The following PPP2R2B variants were observed in gnomAD, a reference collection of about 807,000 sequenced individuals.
PPP2R2B encodes the protein protein phosphatase 2 regulatory subunit Bbeta.
A neutral mutation model predicts 46.0 loss-of-function variants in PPP2R2B; 5 were observed. That is an observed-to-expected ratio of 0.11 (90% CI 0.06 to 0.23). The LOEUF (loss-of-function observed/expected upper bound fraction) is 0.23. Among genes scored for constraint, PPP2R2B ranks in the 10% least tolerant of loss-of-function variants. The pLI is 1.00. For missense variants in PPP2R2B, 367 were observed against 575.0 expected, an observed-to-expected ratio of 0.64 and a Z score of 3.70; for synonymous variants, 215 against 206.7, an observed-to-expected ratio of 1.04 and a Z score of -0.34.
chr5:146,625,540 T>C (rs1773996237), intron 7 of PPP2R2B, among the ~76,000 whole-genome samples: 1 of 152,276 alleles, frequency 6.6e-6, no homozygotes, highest in Admixed American at 6.5e-5. Flanking sequence ...AATGGTCCCA[T>C]CTAGTGAGAG....
At chr5:146,663,427 A>G (rs551693278) in intron 5 of PPP2R2B, among the ~76,000 whole-genome samples, 38 of 152,184 alleles carry the variant, frequency 2.5e-4, no homozygotes, top group Non-Finnish European at 5.0e-4. Flanking sequence ...TACATCTTTT[A>G]ACTTAGTAAA....
intron 1 of PPP2R2B, among the ~76,000 whole-genome samples, chr5:146,998,418 C>T (rs1388749258): frequency 2.0e-5 from 3 of 152,166 alleles, no homozygotes; most frequent in Non-Finnish European, 4.4e-5. Context: ...AAATTGCCAG[C>T]CCAGGAAGTG....
chr5:146,993,289 C>A (rs1753784852), intron 1 of PPP2R2B, among the ~76,000 whole-genome samples: 1 of 151,624 alleles, frequency 6.6e-6, no homozygotes, highest in Non-Finnish European at 1.5e-5. Flanking sequence ...ATCACCCAGG[C>A]TAGAGTGCAG....
At chr5:147,032,509 C>A (rs1019570407) in intron 1 of PPP2R2B, among the ~76,000 whole-genome samples, 1 of 151,970 alleles carries the variant, frequency 6.6e-6, no homozygotes, top group African/African-American at 2.4e-5. Flanking sequence ...TCTCACCCCC[C>A]TCTCCCTCTT....
chr5:146,795,195 A>G (rs574806042), intron 2 of PPP2R2B, among the ~76,000 whole-genome samples: 2 of 152,250 alleles, frequency 1.3e-5, no homozygotes, highest in South Asian at 4.1e-4. Flanking sequence ...CTGACTATAT[A>G]TCCAAAGGAA....
In PPP2R2B at chr5:146,893,263, A is replaced by G. The variant is rs190075309; in HGVS notation, c.79+162402T>C. 8.5e-4 allele frequency among the ~76,000 whole-genome samples: 130 copies of G among 152,330 alleles called. 1 individual carries two copies. The Middle Eastern group carries it at 0.017, about 20-fold the overall frequency. On this transcript the variant is annotated intron_variant, in intron 1 of 8. Transcript: ENST00000336640. ...TATACAAAAATGATTCCTGAGCATT[A>G]ATGAATGCTTTCTTTGTGTCAGTTA...
chr5:147,001,686 C>T (rs1754184277), intron 1 of PPP2R2B, among the ~76,000 whole-genome samples: 1 of 152,170 alleles, frequency 6.6e-6, no homozygotes, highest in Non-Finnish European at 1.5e-5. Context: ...CATCGGACCC[C>T]TTTCGTTTGC....
chr5:146,988,408 T>A (rs1753530306), intron 1 of PPP2R2B, among the ~76,000 whole-genome samples: 1 of 152,120 alleles, frequency 6.6e-6, no homozygotes, highest in Middle Eastern at 3.4e-3. Flanking sequence ...ATTGAAATCA[T>A]ATCAAGTATC....
intron 5 of PPP2R2B, among the ~76,000 whole-genome samples, chr5:146,677,456 G>C (rs945030676): frequency 6.6e-6 from 1 of 151,928 alleles, no homozygotes; most frequent in African/African-American, 2.4e-5. Context: ...TGCGGTTCAG[G>C]ATTGCTTTAT....
intron 2 of PPP2R2B, among the ~76,000 whole-genome samples, chr5:147,075,778 G>A (rs1327608913): frequency 2.0e-5 from 3 of 152,024 alleles, no homozygotes; most frequent in Non-Finnish European, 4.4e-5. Context: ...CCTGGAGCCT[G>A]TTATCTCTTC....
rs182643075 is a variant in PPP2R2B, at chr5:146,750,204, T to C, written c.71-49062A>G. Among the ~76,000 whole-genome samples, 284 of 152,370 alleles carry C rather than the reference T, an allele frequency of 1.9e-3. 1 individual carries two copies. Among genetic ancestry groups the C allele is most frequent in the African/African-American group, 6.5e-3 (270 of 41,596 alleles). ...CACAGTCTTTCATACTATAGCCATA[T>C]AATAAATCTTAAAATCAAGGAGACT... On this transcript the variant is annotated intron_variant, in intron 2 of 9. Coordinates refer to ENST00000394411, the MANE Select transcript of PPP2R2B (RefSeq NM_181675.4).
chr5:146,652,389 T>G (rs2151096366), intron 5 of PPP2R2B, among the ~76,000 whole-genome samples: 1 of 152,266 alleles, frequency 6.6e-6, no homozygotes, highest in South Asian at 2.1e-4. Flanking sequence ...AGTCCTGGAG[T>G]GTTCAACTGG....
intron 1 of PPP2R2B, among the ~76,000 whole-genome samples, chr5:147,037,661 A>C (rs1756106684): frequency 1.3e-5 from 2 of 152,140 alleles, no homozygotes; most frequent in South Asian, 4.1e-4. Context: ...GGCACAGAAT[A>C]GTACTGAAAA....
intron 1 of PPP2R2B, among the ~76,000 whole-genome samples, chr5:147,015,257 A>T (rs1446344144): frequency 1.3e-5 from 2 of 150,320 alleles, no homozygotes; most frequent in Admixed American, 1.3e-4. Flanking sequence ...GTCTCATATC[A>T]TTGCCCTGTT....
chr5:146,827,945 C>A (rs182478719), intron 2 of PPP2R2B, among the ~76,000 whole-genome samples: 12 of 152,026 alleles, frequency 7.9e-5, no homozygotes, highest in Admixed American at 5.9e-4. Context: ...AGAAAGAGAG[C>A]AATCTCTGCC....
intron 2 of PPP2R2B, among the ~76,000 whole-genome samples, chr5:146,787,712 C>T (rs930096726): frequency 2.6e-5 from 4 of 152,178 alleles, no homozygotes; most frequent in East Asian, 1.9e-4. Context: ...GGACTACAGG[C>T]GCACACCACT....
At position 146,738,055 on chromosome 5, in the gene PPP2R2B, T is replaced by A. The variant is rs374022902; in HGVS notation, c.71-36913A>T. Among the ~76,000 whole-genome samples, 102 of 152,214 alleles carry A rather than the reference T, an allele frequency of 6.7e-4. 5 individuals are homozygous for A. The South Asian group carries it at 0.02, about 30-fold the overall frequency. ...ACATGATTGTCACTCTCAGTGTGGT[T>A]TGGAAGATATGCCATAGAGTGTTTA... On this transcript the variant is annotated intron_variant, in intron 2 of 9. Transcript: ENST00000394411.
chr5:146,649,330 T>C (rs1363415728), intron 6 of PPP2R2B, among the ~76,000 whole-genome samples: 2 of 152,136 alleles, frequency 1.3e-5, no homozygotes, highest in African/African-American at 4.8e-5. Context: ...GAGCACATGA[T>C]AGGTATTCAA....
At position 146,747,157 on chromosome 5, in the gene PPP2R2B, C is replaced by A. The variant is rs1753244953; in HGVS notation, c.71-46015G>T. 2.0e-5 allele frequency among the ~76,000 whole-genome samples: 3 copies of A among 152,154 alleles called. No individual in the cohort carries two copies. In the South Asian group the frequency reaches 6.2e-4, roughly 32 times the overall value. On this transcript the variant is annotated intron_variant, in intron 2 of 9. Coordinates refer to ENST00000394411, the MANE Select transcript of PPP2R2B (RefSeq NM_181675.4). ...TTAGAATACCAGGAAAAAAAAGGTC[C>A]AGTACCCCATTCCTAATCATCCTCT...
Sources: allele counts gnomAD v4.1 joint callset (sites outside exome capture counted in the v4.1 genomes callset), GRCh38; gene constraint gnomAD v4.1.1; transcripts MANE v1.5; gene names NCBI Gene and HGNC (gene_info 2026-07-23, HGNC 2026-07-21).